CNOT4: variants seen among roughly 807,000 people sequenced by gnomAD.
The protein encoded by CNOT4 is CCR4-NOT transcription complex subunit 4.
In CNOT4, 8 loss-of-function variants were observed where a neutral mutation model predicts 73.8. The ratio of observed to expected loss-of-function variants is 0.11; its 90% CI spans 0.06 to 0.20. The LOEUF (loss-of-function observed/expected upper bound fraction) is 0.20. CNOT4 is among the 10% of genes least tolerant of loss of function. CNOT4 has a pLI of 1.00. For synonymous variants in CNOT4, 293 were observed against 321.1 expected, an observed-to-expected ratio of 0.91 and a Z score of 0.94; for missense variants, 564 against 883.4, an observed-to-expected ratio of 0.64 and a Z score of 4.58.
chr7:135,504,479 T>TA (rs1429434182), intron 1 of CNOT4, among the ~76,000 whole-genome samples: 791 of 53,752 alleles, frequency 0.015, 97 homozygotes, highest in African/African-American at 0.035. Context: ...TTTTTTTTTT[T>TA]TTTTTTTTTT....
chr7:135,392,310 AT>A (rs1489248561), intron 10 of CNOT4, among the ~76,000 whole-genome samples: 4 of 152,094 alleles, frequency 2.6e-5, no homozygotes, highest in African/African-American at 9.7e-5. Context: ...CTTCTTTAAT[AT>A]GTCCCACATG....
intron 1 of CNOT4, among the ~76,000 whole-genome samples, chr7:135,485,151 C>T (rs953537027): frequency 3.3e-5 from 5 of 152,182 alleles, no homozygotes; most frequent in Non-Finnish European, 4.4e-5. Context: ...TGGCTCACTG[C>T]AACCTCTGCC....
At chr7:135,392,712 T>C (rs868162016) in intron 10 of CNOT4, among the ~76,000 whole-genome samples, 17 of 152,286 alleles carry the variant, frequency 1.1e-4, no homozygotes, top group African/African-American at 3.8e-4. Flanking sequence ...ACCAGGCTTA[T>C]GTAAATTAAC....
At chr7:135,451,353 G>T (rs946605228) in intron 1 of CNOT4, among the ~76,000 whole-genome samples, 1 of 152,156 alleles carries the variant, frequency 6.6e-6, no homozygotes, top group East Asian at 1.9e-4. Flanking sequence ...GGAATGCATG[G>T]CATGATCTTG....
chr7:135,384,867 C>T lies in CNOT4; in HGVS notation c.1627+9051G>A, dbSNP rs567598172. The stretch of plus-strand genomic sequence containing the variant: ...CTTAACACTAAGTAGTCAATGATTG[C>T]TGCATACATATTCTTGACATTTCCT... On this transcript the variant is annotated intron_variant, in intron 10 of 11. Coordinates refer to ENST00000541284, the MANE Select transcript of CNOT4 (RefSeq NM_001190850.2). The T allele has an allele frequency of 1.8e-5, 12 of 650,070 alleles. No individual in the cohort carries two copies. The African/African-American group carries it at 2.0e-4, about 11-fold the overall frequency. The allele number at this position is 650,070 out of a possible 1,614,324, so 40.3% of individuals were successfully genotyped here.
rs559547987 is a variant in CNOT4 at position 135,419,897 on chromosome 7, A to T, written c.372+2259T>A. On this transcript the variant is annotated intron_variant, in intron 3 of 11. Coordinates refer to ENST00000541284, the MANE Select transcript of CNOT4 (RefSeq NM_001190850.2). ...ATCTCCACTAAAAATCCAAAAAAAA[A>T]AAAAAATTAGCTGGGCATGGTGGTG... Among the ~76,000 whole-genome samples, 33 of 151,888 alleles carry T rather than the reference A, an allele frequency of 2.2e-4. No individual in the cohort carries two copies. In the South Asian group the frequency reaches 5.0e-3, roughly 23 times the overall value.
At position 135,394,150 on chromosome 7, in the gene CNOT4, G is replaced by T. The variant is rs751211732; in HGVS notation, c.1395C>A (p.Leu465=). 4.3e-6 allele frequency: 7 copies of T among 1,614,098 alleles called. No homozygotes were observed. The East Asian group carries it at 1.6e-4, about 36-fold the overall frequency. The part of the protein sequence containing the change: ...HPAAATNANS[L]NSTFSVLPQR... ...GGGGCAAGACTGAAAAGGTACTATT[G>T]AGAGAATTGGCATTTGTAGCTGCAG... is the stretch of plus-strand genomic sequence containing the variant. The change falls in exon 10 of 12, where the codon CTC becomes CTA. Residue 465 remains leucine, a synonymous_variant. Coordinates refer to ENST00000541284, the MANE Select transcript of CNOT4 (RefSeq NM_001190850.2).
intron 1 of CNOT4, among the ~76,000 whole-genome samples, chr7:135,439,231 C>T (rs993190679): frequency 6.6e-6 from 1 of 152,086 alleles, no homozygotes. Context: ...TGATAGCCTG[C>T]AAACTAATCT....
chr7:135,441,755 T>C (rs1217963497), intron 1 of CNOT4, among the ~76,000 whole-genome samples: 2 of 152,204 alleles, frequency 1.3e-5, no homozygotes, highest in East Asian at 1.9e-4. Flanking sequence ...AAATAAAAAA[T>C]GATATACTGA....
chr7:135,452,129 C>G (rs1800209741), intron 1 of CNOT4, among the ~76,000 whole-genome samples: 2 of 151,960 alleles, frequency 1.3e-5, no homozygotes, highest in Non-Finnish European at 2.9e-5. Context: ...GTGCCAGCTA[C>G]TGCGGAGGCT....
chr7:135,425,552 C>T (rs969608746), intron 2 of CNOT4, among the ~76,000 whole-genome samples: 10 of 152,252 alleles, frequency 6.6e-5, no homozygotes, highest in South Asian at 2.1e-4. Context: ...TCAAAGTCAA[C>T]GTTGTTGGAA....
chr7:135,438,114 T>C (rs751754193), intron 2 of CNOT4, 44 bp downstream of exon 2: 3 of 1,128,126 alleles, frequency 2.7e-6, no homozygotes, highest in Non-Finnish European at 4.0e-6. Context: ...CAAAAAACTA[T>C]ACAATTAAAA....
chr7:135,361,983 C>G lies in CNOT4; in HGVS notation c.*902G>C, dbSNP rs1794671089. The G allele has an allele frequency of 6.6e-6, 1 of 152,648 alleles. No homozygotes were observed. Among genetic ancestry groups the G allele is most frequent in the Admixed American group, 6.5e-5 (1 of 15,284 alleles). The allele number at this position is 152,648 out of a possible 1,614,324, so 9.5% of individuals were successfully genotyped here. A position where few individuals can be genotyped will look rare whatever the true frequency, so the allele number is the denominator to read the frequency against. ...AAGTAAAAGCTGCAGGCAAGGAGGTCAGAGATTTGCTCCCGATGGTGATCA... is the reference window on the plus strand; with the variant it reads ...AAGTAAAAGCTGCAGGCAAGGAGGTGAGAGATTTGCTCCCGATGGTGATCA... On this transcript the variant is annotated 3_prime_UTR_variant, in exon 12 of 12. Coordinates refer to ENST00000541284, the MANE Select transcript of CNOT4 (RefSeq NM_001190850.2).
chr7:135,467,194 G>A (rs889949414), intron 1 of CNOT4, among the ~76,000 whole-genome samples: 2 of 152,094 alleles, frequency 1.3e-5, no homozygotes, highest in Non-Finnish European at 2.9e-5. Flanking sequence ...GTTGCTCAAG[G>A]AAGAAATATT....
At chr7:135,378,700 A>C (rs1431856095) in intron 10 of CNOT4, among the ~76,000 whole-genome samples, 2 of 151,590 alleles carry the variant, frequency 1.3e-5, no homozygotes, top group Admixed American at 6.6e-5. Flanking sequence ...GAAGAGGGAA[A>C]ATTAGCCGGG....
chr7:135,363,735 T>C lies in CNOT4; in HGVS notation c.1840+119A>G. ...GACCCCTGAGAACGAAACAAGCCAC[T>C]CCACACTTGCGGCTTTGTGAAAAGC... is the stretch of plus-strand genomic sequence containing the variant. On this transcript the variant is annotated intron_variant, in intron 11 of 11. Coordinates refer to ENST00000541284, the MANE Select transcript of CNOT4 (RefSeq NM_001190850.2). This position sits in a 1 kb window ranked among gnomAD's most constrained non-coding sequence, Gnocchi z 4.3. 1 of 800,324 alleles carries C rather than the reference T, an allele frequency of 1.2e-6. No individual in the cohort carries two copies. The allele number at this position is 800,324 out of a possible 1,614,324, so 49.6% of individuals were successfully genotyped here. A position where few individuals can be genotyped will look rare whatever the true frequency, so the allele number is the denominator to read the frequency against.
intron 2 of CNOT4, among the ~76,000 whole-genome samples, chr7:135,430,112 C>T (rs948791539): frequency 6.6e-6 from 1 of 152,154 alleles, no homozygotes; most frequent in African/African-American, 2.4e-5. Flanking sequence ...AAAAAGAATA[C>T]CAATGACACG....
chr7:135,403,631 GA>G (rs2129483771), intron 7 of CNOT4, among the ~76,000 whole-genome samples: 1 of 152,154 alleles, frequency 6.6e-6, no homozygotes, highest in East Asian at 1.9e-4. Flanking sequence ...AAAAAGGTAA[GA>G]AAAATGTGCC....
At chr7:135,509,709 C>T (rs1804617689) in intron 1 of CNOT4, 180 bp downstream of exon 1, 1 of 232,162 alleles carries the variant, frequency 4.3e-6, no homozygotes, top group Non-Finnish European at 8.1e-6. Context: ...ACTGCTGTGG[C>T]GTAAAGGGGA....
Sources: allele counts gnomAD v4.1 joint callset (sites outside exome capture counted in the v4.1 genomes callset), GRCh38; gene constraint gnomAD v4.1.1; non-coding constraint Gnocchi (gnomAD v3.1); transcripts MANE v1.5; gene names NCBI Gene and HGNC (gene_info 2026-07-23, HGNC 2026-07-21).